The following CDH13 variants were observed in gnomAD, a reference collection of about 807,000 sequenced individuals.
CDH13 encodes cadherin 13.
A neutral mutation model predicts 63.8 loss-of-function variants in CDH13; 24 were observed. The observed-to-expected ratio is 0.38, with a 90% CI of 0.27 to 0.53. The LOEUF (loss-of-function observed/expected upper bound fraction) is 0.53, where lower values mean the gene tolerates loss of function less well. CDH13 is among the 20% of genes least tolerant of loss of function. CDH13 has a pLI of 0.85. For synonymous variants in CDH13, 503 were observed against 355.3 expected (o/e 1.42, Z -4.67); for missense variants, 1,049 against 903.1 (o/e 1.16, Z -2.07).
chr16:82,720,247 G>T (rs73603140), intron 1 of CDH13, among the ~76,000 whole-genome samples: 2 of 152,108 alleles, frequency 1.3e-5, no homozygotes, highest in South Asian at 4.2e-4. Flanking sequence ...TCCTGCCACC[G>T]TGCAGTTTGA....
chr16:83,697,886 G>A (rs918506150), intron 10 of CDH13, among the ~76,000 whole-genome samples: 1 of 152,306 alleles, frequency 6.6e-6, no homozygotes, highest in South Asian at 2.1e-4. Context: ...GCCTCAAGTG[G>A]TCTGCCCCGC....
chr16:83,111,464 T>A (rs539867937), intron 3 of CDH13, among the ~76,000 whole-genome samples: 110 of 152,218 alleles, frequency 7.2e-4, no homozygotes, highest in African/African-American at 2.6e-3. Context: ...GGATCCTGAG[T>A]GAAAGCATGA....
At chr16:83,624,807 C>T (rs983191854) in intron 8 of CDH13, among the ~76,000 whole-genome samples, 8 of 152,160 alleles carry the variant, frequency 5.3e-5, no homozygotes, top group African/African-American at 1.9e-4. Flanking sequence ...GTGGTGGTTC[C>T]CTGAAGAAAG....
At chr16:83,005,280 T>G (rs1168422822) in intron 2 of CDH13, among the ~76,000 whole-genome samples, 2 of 152,312 alleles carry the variant, frequency 1.3e-5, no homozygotes, top group East Asian at 3.9e-4. Context: ...AGATTAAGTT[T>G]GGAAAATAGG....
chr16:83,432,934 G>C (rs2072169789), intron 6 of CDH13, among the ~76,000 whole-genome samples: 1 of 152,214 alleles, frequency 6.6e-6, no homozygotes, highest in Non-Finnish European at 1.5e-5. Context: ...GGTTAGGGTT[G>C]ATAAGAATTA....
chr16:82,784,432 G>A (rs953454503), intron 1 of CDH13, among the ~76,000 whole-genome samples: 6 of 152,110 alleles, frequency 3.9e-5, no homozygotes, highest in African/African-American at 1.4e-4. Flanking sequence ...TGTGTGTACA[G>A]GAAGAAGGGA....
intron 9 of CDH13, among the ~76,000 whole-genome samples, chr16:83,672,099 C>G (rs1200821978): frequency 6.6e-6 from 1 of 152,200 alleles, no homozygotes; most frequent in African/African-American, 2.4e-5. Context: ...TGCCCACTCC[C>G]TGTGTGCCCT....
chr16:82,798,606 G>A (rs2036700957), intron 1 of CDH13, among the ~76,000 whole-genome samples: 1 of 152,128 alleles, frequency 6.6e-6, no homozygotes, highest in African/African-American at 2.4e-5. Flanking sequence ...GGCTGTTTTT[G>A]GAAGACACTT....
At chr16:82,963,795 G>A (rs576505702) in intron 2 of CDH13, among the ~76,000 whole-genome samples, 2 of 152,094 alleles carry the variant, frequency 1.3e-5, no homozygotes, top group Non-Finnish European at 1.5e-5. Context: ...CCCTTGGCAC[G>A]GGAAGCCCAG....
At chr16:83,717,492 G>A (rs992640162) in intron 10 of CDH13, among the ~76,000 whole-genome samples, 2 of 152,200 alleles carry the variant, frequency 1.3e-5, no homozygotes, top group Non-Finnish European at 2.9e-5. Context: ...TGAGAAACAG[G>A]CCCAGGCCAT....
intron 4 of CDH13, among the ~76,000 whole-genome samples, chr16:83,128,238 A>G (rs1225712617): frequency 6.6e-6 from 1 of 152,148 alleles, no homozygotes; most frequent in Non-Finnish European, 1.5e-5. Context: ...GGTGATTCAG[A>G]TATGCAGCCG....
At chr16:83,383,819 A>C (rs2091618714) in intron 6 of CDH13, among the ~76,000 whole-genome samples, 1 of 152,114 alleles carries the variant, frequency 6.6e-6, no homozygotes, top group Non-Finnish European at 1.5e-5. Flanking sequence ...TCCTCAAGGA[A>C]CCTTGGTTTC....
intron 8 of CDH13, among the ~76,000 whole-genome samples, chr16:83,650,118 C>T (rs751446508): frequency 1.3e-5 from 2 of 152,146 alleles, no homozygotes; most frequent in African/African-American, 2.4e-5. Context: ...GAACTTGACC[C>T]TGGCTGTAAG....
At chr16:82,833,256 G>T (rs1292906583) in intron 1 of CDH13, among the ~76,000 whole-genome samples, 1 of 152,204 alleles carries the variant, frequency 6.6e-6, no homozygotes, top group Non-Finnish European at 1.5e-5. Context: ...CTTACTGTGT[G>T]CTGAGGACAT....
intron 2 of CDH13, among the ~76,000 whole-genome samples, chr16:82,860,831 A>G (rs2039914397): frequency 6.6e-6 from 1 of 152,324 alleles, no homozygotes. Context: ...AAGTAGTAGC[A>G]GTGCTTTGCT....
intron 5 of CDH13, among the ~76,000 whole-genome samples, chr16:83,311,902 C>G (rs998570544): frequency 2.0e-5 from 3 of 152,088 alleles, no homozygotes; most frequent in Admixed American, 6.5e-5. Flanking sequence ...TGGAGAAACC[C>G]CGTCTCTACT....
chr16:82,788,078 G>T (rs1399486540), intron 1 of CDH13, among the ~76,000 whole-genome samples: 1 of 152,112 alleles, frequency 6.6e-6, no homozygotes. Context: ...AGTGCTCTCT[G>T]GAGGCTATAA....
At chr16:83,364,708 C>T (rs562784856) in intron 6 of CDH13, among the ~76,000 whole-genome samples, 2 of 152,160 alleles carry the variant, frequency 1.3e-5, no homozygotes, top group African/African-American at 4.8e-5. Context: ...ATGTTTGTAT[C>T]AGCCACTGTT....
At chr16:82,850,386 T>G in intron 1 of CDH13, among the ~76,000 whole-genome samples, 1 of 152,162 alleles carries the variant, frequency 6.6e-6, no homozygotes. Flanking sequence ...CTTGAATATG[T>G]GTGTGAATTG....
Sources: gnomAD v4.1 joint callset for allele counts (sites outside exome capture counted in the v4.1 genomes callset) on GRCh38, gnomAD v4.1.1 for gene constraint, MANE v1.5 for transcripts, NCBI Gene and HGNC (gene_info 2026-07-23, HGNC 2026-07-21) for gene names.